Variants in ABCA4 observed in about 807,000 individuals in gnomAD.
ABCA4 encodes ATP binding cassette subfamily A member 4, also known as retinal-specific phospholipid-transporting ATPase ABCA4.
Under a neutral mutation model 263.7 loss-of-function variants are expected in ABCA4, and 196 were observed. The observed-to-expected ratio is 0.74, with a 90% CI of 0.66 to 0.84. The LOEUF is 0.84. Ranked by LOEUF, ABCA4 falls within the 40% of genes least tolerant of loss-of-function variation. The pLI, the probability that ABCA4 is intolerant of heterozygous loss-of-function variation, is 0.00. For synonymous variants in ABCA4, 1,133 were observed against 1,094.2 expected, an observed-to-expected ratio of 1.04 and a Z score of -0.70; for missense variants, 2,792 against 2,855.1, an observed-to-expected ratio of 0.98 and a Z score of 0.50.
In ABCA4 at chr1:94,079,360, T is replaced by C. The variant is rs559674920; in HGVS notation, c.1201A>G (p.Thr401Ala). Residue 401 changes from threonine to alanine, a missense_variant, in exon 9 of 50, where the codon ACT becomes GCT. Thr to Ala is a moderately conservative substitution (Grantham distance 58, BLOSUM62 0). Coordinates refer to ENST00000370225, the MANE Select transcript of ABCA4 (RefSeq NM_000350.3). ...CTTCGTGCTGCAGGTGAATCAGGAG[T>C]GTACAGGATTTTTCCCATCAGCAAA... ...KPLLMGKILY[T>A]PDSPAARRIL... 8.7e-6 allele frequency: 14 copies of C among 1,613,822 alleles called. No individual in the cohort carries two copies. In the South Asian group the frequency reaches 9.9e-5, roughly 11 times the overall value.
chr1:94,085,830 C>G lies in ABCA4; in HGVS notation c.769-2389G>C, dbSNP rs574863584. Among the ~76,000 whole-genome samples the G allele has an allele frequency of 2.6e-5, 4 of 152,328 alleles. No individual in the cohort carries two copies. In the South Asian group the frequency reaches 6.2e-4, roughly 24 times the overall value. ...CCTAGCTCTGCTCTCTATTCCCCCC[C>G]ATTCCTTCTTTGCCTGGCAAACTTC... On this transcript the variant is annotated intron_variant, in intron 6 of 49. Transcript: ENST00000370225.
chr1:94,109,208 G>A (rs901034217), intron 3 of ABCA4, among the ~76,000 whole-genome samples: 7 of 152,146 alleles, frequency 4.6e-5, no homozygotes, highest in East Asian at 1.9e-4. Flanking sequence ...GATGGTGAGC[G>A]ATCTATTCAG....
At chr1:94,023,553 A>G (rs990430676) in intron 31 of ABCA4, 135 bp from the exon 32 acceptor site, 2 of 780,230 alleles carry the variant, frequency 2.6e-6, no homozygotes, top group African/African-American at 3.5e-5. Flanking sequence ...ATATCCAAGC[A>G]ATGCGGAAGC....
intron 15 of ABCA4, 138 bp from the exon 16 acceptor site, chr1:94,055,453 G>T: frequency 1.3e-6 from 1 of 776,120 alleles, no homozygotes. Flanking sequence ...GCTCAGGAGG[G>T]TGAAGGCAGT....
chr1:94,111,606 C>T (rs749315477), intron 2 of ABCA4, 27 bp from the exon 3 acceptor site: 11 of 1,613,700 alleles, frequency 6.8e-6, no homozygotes, highest in African/African-American at 5.3e-5. Context: ...GAGGACAAGA[C>T]GGGATTAGTC....
chr1:94,023,557 C>T (rs1195958233), intron 31 of ABCA4, 139 bp from the exon 32 acceptor site: 9 of 749,878 alleles, frequency 1.2e-5, no homozygotes, highest in African/African-American at 5.2e-5. Flanking sequence ...CCAAGCAATG[C>T]GGAAGCCGCC....
intron 6 of ABCA4, among the ~76,000 whole-genome samples, chr1:94,093,023 GC>G (rs1662008415): frequency 6.6e-6 from 1 of 152,176 alleles, no homozygotes; most frequent in African/African-American, 2.4e-5. Flanking sequence ...CAAGTTAGGA[GC>G]CAACATAGAG....
chr1:93,993,785 G>A (rs1571237791), intron 49 of ABCA4, among the ~76,000 whole-genome samples: 1 of 152,098 alleles, frequency 6.6e-6, no homozygotes, highest in South Asian at 2.1e-4. Flanking sequence ...CATGTTCCTT[G>A]AGAAGCGGAC....
chr1:94,018,208 T>TACAC (rs3838274), intron 36 of ABCA4, among the ~76,000 whole-genome samples: 1 of 152,144 alleles, frequency 6.6e-6, no homozygotes, highest in Non-Finnish European at 1.5e-5. Context: ...CGTGCACACA[T>TACAC]ACACACACAC....
Position 94,103,041 on chromosome 1 carries a change from T to C in ABCA4, c.544A>G (p.Ile182Val). Residue 182 changes from isoleucine (I) to valine (V), a missense_variant, in exon 5 of 50, where the codon ATC becomes GTC. Ile to Val is a conservative substitution (Grantham distance 29). Coordinates refer to ENST00000370225, the MANE Select transcript of ABCA4 (RefSeq NM_000350.3). ...TGCTCTGGACGGACTTGAGAGTTGA[T>C]CAGAAGGTAGACCACTGAGTCAGAC... ...GLSDSVVYLL[I>V]NSQVRPEQFA... 1 of 1,614,186 alleles carries C rather than the reference T, an allele frequency of 6.2e-7. No individual in the cohort carries two copies. The highest frequency in any genetic ancestry group is 8.5e-7 in the Non-Finnish European group (1 of 1,180,028).
chr1:94,119,098 G>T (rs1343012641), intron 1 of ABCA4, among the ~76,000 whole-genome samples: 6 of 152,268 alleles, frequency 3.9e-5, no homozygotes, highest in Non-Finnish European at 8.8e-5. Flanking sequence ...GTATACCAAT[G>T]AACCTAGCAC....
chr1:93,996,287 G>T, intron 48 of ABCA4, 92 bp from the exon 49 acceptor site: 1 of 978,152 alleles, frequency 1.0e-6, no homozygotes, highest in Non-Finnish European at 1.6e-6. Context: ...ATTTTCCACA[G>T]TTCACATACA....
chr1:94,071,956 T>C (rs1294860450), intron 11 of ABCA4, among the ~76,000 whole-genome samples: 9 of 152,228 alleles, frequency 5.9e-5, no homozygotes, highest in African/African-American at 1.9e-4. Context: ...AATGAATTAA[T>C]AGAAGAAAGA....
At chr1:94,060,818 T>A (rs1661102887) in intron 13 of ABCA4, 59 bp from the exon 14 acceptor site, 1 of 1,365,446 alleles carries the variant, frequency 7.3e-7, no homozygotes, top group Non-Finnish European at 1.0e-6. Flanking sequence ...AGAGGCAGAA[T>A]AAATGTTTGT....
At chr1:94,088,998 TG>T (rs60415301) in intron 6 of ABCA4, among the ~76,000 whole-genome samples, 1 of 152,324 alleles carries the variant, frequency 6.6e-6, no homozygotes, top group East Asian at 1.9e-4. Flanking sequence ...GGTGGGAGAT[TG>T]CCCATGGCCA....
chr1:94,025,462 T>C, intron 30 of ABCA4: 1 of 314,812 alleles, frequency 3.2e-6, no homozygotes, highest in South Asian at 3.2e-5. Flanking sequence ...CTCAGTCACC[T>C]TGCTTACTTA....
chr1:94,001,680 C>T (rs1235924640), intron 45 of ABCA4, 178 bp downstream of exon 45: 3 of 918,428 alleles, frequency 3.3e-6, no homozygotes, highest in African/African-American at 3.3e-5. Flanking sequence ...TTGTTTTTCT[C>T]CGGAGCTGTG....
intron 16 of ABCA4, among the ~76,000 whole-genome samples, chr1:94,053,138 C>T (rs2101065213): frequency 6.6e-6 from 1 of 152,290 alleles, no homozygotes; most frequent in African/African-American, 2.4e-5. Context: ...AAACTCTTCC[C>T]CCGACCCCAT....
intron 1 of ABCA4, among the ~76,000 whole-genome samples, chr1:94,113,403 A>G (rs1257943886): frequency 1.3e-5 from 2 of 152,226 alleles, no homozygotes; most frequent in Non-Finnish European, 2.9e-5. Context: ...ATTTGGGTTC[A>G]GTATGGCCCC....
Sources: allele counts gnomAD v4.1 joint callset (sites outside exome capture counted in the v4.1 genomes callset), GRCh38; gene constraint gnomAD v4.1.1; transcripts MANE v1.5; gene names NCBI Gene and HGNC (gene_info 2026-07-23, HGNC 2026-07-21).